The following EPB41L3 variants were observed in gnomAD, a reference collection of about 807,000 sequenced individuals.
EPB41L3 encodes the protein band 4.1-like protein 3.
Under a neutral mutation model 127.1 loss-of-function variants are expected in EPB41L3, and 57 were observed. The observed-to-expected ratio is 0.45, with a 90% CI of 0.36 to 0.56. EPB41L3 has a LOEUF of 0.56. EPB41L3 is among the 20% of genes least tolerant of loss of function. The pLI, the probability that EPB41L3 is intolerant of heterozygous loss-of-function variation, is 0.00. For missense variants in EPB41L3, 1,273 were observed against 1,372.2 expected (o/e 0.93, Z 1.14); for synonymous variants, 572 against 549.5 (o/e 1.04, Z -0.57).
intron 5 of EPB41L3, among the ~76,000 whole-genome samples, chr18:5,440,507 C>T (rs897738292): frequency 2.0e-5 from 3 of 152,044 alleles, no homozygotes; most frequent in Admixed American, 6.5e-5. Flanking sequence ...TGCAACTCTA[C>T]ATCTGCTCAA....
intron 1 of EPB41L3, among the ~76,000 whole-genome samples, chr18:5,513,729 G>A (rs954917914): frequency 6.6e-6 from 1 of 152,170 alleles, no homozygotes; most frequent in Non-Finnish European, 1.5e-5. Flanking sequence ...ACCAGCTTAT[G>A]AGGATTTAGT....
intron 5 of EPB41L3, among the ~76,000 whole-genome samples, chr18:5,439,228 C>A (rs1456631440): frequency 4.6e-5 from 7 of 152,046 alleles, no homozygotes; most frequent in Admixed American, 4.6e-4. Flanking sequence ...CCTCACCCAG[C>A]GGCCACCGAC....
chr18:5,605,054 G>A (rs916349203), intron 3 of EPB41L3, among the ~76,000 whole-genome samples: 1 of 152,096 alleles, frequency 6.6e-6, no homozygotes, highest in East Asian at 1.9e-4. Flanking sequence ...TCCTCCTGGG[G>A]AGGGCCAACA....
intron 3 of EPB41L3, among the ~76,000 whole-genome samples, chr18:5,449,546 T>C (rs1568227247): frequency 1.3e-5 from 2 of 152,254 alleles, no homozygotes; most frequent in Non-Finnish European, 2.9e-5. Context: ...AACAGTTTTA[T>C]TCATAATTGC....
At chr18:5,513,350 G>A (rs913465328) in intron 1 of EPB41L3, among the ~76,000 whole-genome samples, 16 of 152,292 alleles carry the variant, frequency 1.1e-4, no homozygotes, top group African/African-American at 3.6e-4. Flanking sequence ...GAGAAAGCCA[G>A]TTATGTTTGT....
intron 1 of EPB41L3, among the ~76,000 whole-genome samples, chr18:5,513,290 C>T (rs1011372238): frequency 2.0e-5 from 3 of 152,120 alleles, no homozygotes; most frequent in South Asian, 2.1e-4. Flanking sequence ...ACCTAACCTA[C>T]GCTAATCAAC....
chr18:5,416,015 A>C lies in EPB41L3; in HGVS notation c.1870T>G (p.Tyr624Asp). The stretch of plus-strand genomic sequence containing the variant: ...AGGGACGGTGAGCGGATCGGGAGGT[A>C]ATGCTGCAAGCTCTGGGGCAGGAGG... Reference protein sequence around the residue: ...TNLLPQSLQHYLPIRSPSLVP... With the variant: ...TNLLPQSLQHDLPIRSPSLVP... The change falls in exon 13 of 23, where the codon TAC (tyrosine) becomes GAC (aspartate). Residue 624 changes from tyrosine to aspartate, a missense_variant. Tyr to Asp is a radical substitution (Grantham distance 160). Transcript: ENST00000341928. The C allele has an allele frequency of 1.2e-6, 2 of 1,614,052 alleles. No homozygotes were observed. The highest frequency in any genetic ancestry group is 1.7e-6 in the Non-Finnish European group (2 of 1,179,976).
At chr18:5,572,129 G>A (rs1033507963) in intron 3 of EPB41L3, among the ~76,000 whole-genome samples, 4 of 152,194 alleles carry the variant, frequency 2.6e-5, no homozygotes, top group African/African-American at 9.7e-5. Context: ...TGCTATCTAA[G>A]TTGTTGCTTT....
chr18:5,453,835 A>C (rs1031285702), intron 3 of EPB41L3, among the ~76,000 whole-genome samples: 1 of 152,236 alleles, frequency 6.6e-6, no homozygotes, highest in African/African-American at 2.4e-5. Flanking sequence ...TGCTACTGAC[A>C]AGAATTTCAA....
Position 5,455,764 on chromosome 18 carries a change from T to C in EPB41L3, c.382-10520A>G, listed in dbSNP as rs540993608. ...GCTTCTTCTTGGCTAGCAGAAACAT[T>C]GGGCTTGATTTTTTGCAAAGAGTTT... On this transcript the variant is annotated intron_variant, in intron 3 of 22. Coordinates refer to ENST00000341928, the MANE Select transcript of EPB41L3 (RefSeq NM_012307.5). 2.3e-4 allele frequency among the ~76,000 whole-genome samples: 35 copies of C among 150,914 alleles called. 2 individuals carry two copies. In the South Asian group the frequency reaches 7.2e-3, roughly 31 times the overall value.
chr18:5,532,787 G>A (rs2093451608), intron 1 of EPB41L3, among the ~76,000 whole-genome samples: 1 of 152,188 alleles, frequency 6.6e-6, no homozygotes, highest in Middle Eastern at 3.4e-3. Context: ...AGGCGCCTAG[G>A]GGATTGTCCT....
At chr18:5,588,548 T>C (rs12970438) in intron 3 of EPB41L3, among the ~76,000 whole-genome samples, 7 of 147,810 alleles carry the variant, frequency 4.7e-5, no homozygotes, top group South Asian at 4.3e-4. Context: ...TATATATATA[T>C]ACACATAAAT....
chr18:5,579,290 G>A (rs1457169398), intron 3 of EPB41L3, among the ~76,000 whole-genome samples: 2 of 152,192 alleles, frequency 1.3e-5, no homozygotes, highest in Non-Finnish European at 2.9e-5. Context: ...TAGGTGGAGA[G>A]AGAGGATAAG....
intron 1 of EPB41L3, chr18:5,540,434 T>C (rs1228302156): frequency 2.0e-6 from 2 of 985,464 alleles, no homozygotes; most frequent in East Asian, 1.1e-4. Flanking sequence ...TGGTTTTGCC[T>C]GCCCCACCCT....
At chr18:5,578,210 A>C (rs1392195074) in intron 3 of EPB41L3, among the ~76,000 whole-genome samples, 3 of 152,184 alleles carry the variant, frequency 2.0e-5, no homozygotes, top group African/African-American at 7.2e-5. Flanking sequence ...TGTAAACATT[A>C]ATTTAATCCT....
At chr18:5,486,545 C>T (rs2089781111) in intron 2 of EPB41L3, among the ~76,000 whole-genome samples, 2 of 151,870 alleles carry the variant, frequency 1.3e-5, no homozygotes, top group South Asian at 2.1e-4. Flanking sequence ...TAACAAAGAG[C>T]CTACAGGATA....
chr18:5,508,992 C>G (rs1345358293), intron 1 of EPB41L3, among the ~76,000 whole-genome samples: 1 of 152,132 alleles, frequency 6.6e-6, no homozygotes, highest in Non-Finnish European at 1.5e-5. Flanking sequence ...GGAAGTGTTA[C>G]AAGACCAACG....
Position 5,403,130 on chromosome 18 carries a change from C to T in EPB41L3, c.2349+3647G>A, listed in dbSNP as rs572601017. Among the ~76,000 whole-genome samples, 11 of 152,286 alleles carry T rather than the reference C, an allele frequency of 7.2e-5. No homozygotes were observed. The East Asian group carries it at 2.1e-3, about 29-fold the overall frequency. On this transcript the variant is annotated intron_variant, in intron 16 of 22. Coordinates refer to ENST00000341928, the MANE Select transcript of EPB41L3 (RefSeq NM_012307.5). ...CAAGGCTTAGATGCATCATGAAAGTCTGTCATGGGAAAGGTCTGTGGACAG... is the reference window on the plus strand; with the variant it reads ...CAAGGCTTAGATGCATCATGAAAGTTTGTCATGGGAAAGGTCTGTGGACAG...
chr18:5,580,263 A>C (rs1354321333), intron 3 of EPB41L3, among the ~76,000 whole-genome samples: 1 of 152,174 alleles, frequency 6.6e-6, no homozygotes, highest in Admixed American at 6.5e-5. Flanking sequence ...GTATAGATAC[A>C]CTTATACACA....
Sources: allele counts gnomAD v4.1 joint callset (sites outside exome capture counted in the v4.1 genomes callset), GRCh38; gene constraint gnomAD v4.1.1; transcripts MANE v1.5; gene names NCBI Gene and HGNC (gene_info 2026-07-23, HGNC 2026-07-21).